The following IMPG1 variants were observed in gnomAD, a reference collection of about 807,000 sequenced individuals.
IMPG1 encodes the protein interphotoreceptor matrix proteoglycan of 150 kDa.
In IMPG1, 85 loss-of-function variants were observed where a neutral mutation model predicts 92.0. The ratio of observed to expected loss-of-function variants is 0.92; its 90% confidence interval spans 0.78 to 1.11. The LOEUF (loss-of-function observed/expected upper bound fraction) is 1.11. Ranked by LOEUF, IMPG1 falls within the 50% of genes least tolerant of loss-of-function variation. IMPG1 has a pLI of 0.00. For missense variants in IMPG1, 1,022 were observed against 956.0 expected (o/e 1.07, Z -0.91); for synonymous variants, 367 against 334.1 (o/e 1.10, Z -1.08).
At position 75,921,789 on chromosome 6, in the gene IMPG1, C is replaced by A; in HGVS notation, c.*300G>T. ...GCAAATGATCTGTGAGTAAAATTTT[C>A]AGGGAAGGTGGAAGCAAACCTGGCT... is the stretch of plus-strand genomic sequence containing the variant. On this transcript the variant is annotated 3_prime_UTR_variant, in exon 17 of 17. Transcript: ENST00000369950. 1 of 229,848 alleles carries A rather than the reference C, an allele frequency of 4.4e-6. No individual in the cohort carries two copies. The highest frequency in any genetic ancestry group is 2.3e-5 in the African/African-American group (1 of 43,544). The allele number at this position is 229,848 out of a possible 1,614,324, so 14.2% of individuals were successfully genotyped here.
chr6:76,064,511 G>A (rs1784273867), intron 1 of IMPG1, among the ~76,000 whole-genome samples: 1 of 151,964 alleles, frequency 6.6e-6, no homozygotes, highest in Non-Finnish European at 1.5e-5. Context: ...CCAAGCCATG[G>A]AGCTGAGGTA....
chr6:76,035,301 A>C (rs983111737), intron 2 of IMPG1, among the ~76,000 whole-genome samples: 5 of 151,950 alleles, frequency 3.3e-5, no homozygotes, highest in Non-Finnish European at 7.4e-5. Context: ...TCAGGAGTTC[A>C]AGACCAGCCT....
chr6:76,058,877 A>G (rs1198327499), intron 1 of IMPG1, among the ~76,000 whole-genome samples: 1 of 152,222 alleles, frequency 6.6e-6, no homozygotes, highest in Non-Finnish European at 1.5e-5. Flanking sequence ...AAGTTTTCCT[A>G]GAGTGAGATT....
Position 76,016,294 on chromosome 6 carries a change from T to C in IMPG1, c.807+2424A>G, listed in dbSNP as rs183435092. The stretch of plus-strand genomic sequence containing the variant: ...AAATCCCAATATATTTGCATTATTC[T>C]ACATCAGATTGTTGTAAGTGTTTAG... On this transcript the variant is annotated intron_variant, in intron 7 of 16. Transcript: ENST00000369950. Among the ~76,000 whole-genome samples, 37 of 152,354 alleles carry C rather than the reference T, an allele frequency of 2.4e-4. 1 individual carries two copies. Among genetic ancestry groups the C allele is most frequent in the Admixed American group, 1.6e-3 (24 of 15,308 alleles).
rs3798580 is a variant in IMPG1 at position 76,031,342 on chromosome 6, T to G, written c.497+2973A>C. 5.3e-5 allele frequency among the ~76,000 whole-genome samples: 8 copies of G among 152,316 alleles called. No homozygotes were observed. The East Asian group carries it at 1.5e-3, about 29-fold the overall frequency. ...GGCTAGGTGTTCTGTTGTTTTACAG[T>G]ACAGTTATCTAGAATTAGTCATAGC... On this transcript the variant is annotated intron_variant, in intron 4 of 16. Transcript: ENST00000369950.
intron 4 of IMPG1, among the ~76,000 whole-genome samples, chr6:76,029,026 G>A (rs1035168704): frequency 6.6e-6 from 1 of 152,208 alleles, no homozygotes; most frequent in East Asian, 1.9e-4. Context: ...TTTATCAAGG[G>A]TTTGACTGAA....
intron 13 of IMPG1, 149 bp from the exon 14 acceptor site, chr6:75,947,682 C>G (rs1781951522): frequency 6.5e-6 from 4 of 617,624 alleles, no homozygotes; most frequent in Non-Finnish European, 1.1e-5. Flanking sequence ...AATGTGAGAC[C>G]AGAATGCCAC....
chr6:76,041,123 T>C (rs1783829871), intron 2 of IMPG1, among the ~76,000 whole-genome samples: 3 of 152,322 alleles, frequency 2.0e-5, no homozygotes, highest in African/African-American at 4.8e-5. Flanking sequence ...ATTTTAATAG[T>C]AGCTACCAAA....
chr6:76,019,153 A>G (rs1303758765), intron 6 of IMPG1, among the ~76,000 whole-genome samples: 2 of 152,188 alleles, frequency 1.3e-5, no homozygotes, highest in Non-Finnish European at 2.9e-5. Flanking sequence ...GCAGGTGGCT[A>G]AGAACGGAGG....
chr6:76,056,886 A>G (rs1389091276), intron 1 of IMPG1, among the ~76,000 whole-genome samples: 3 of 152,294 alleles, frequency 2.0e-5, no homozygotes, highest in Middle Eastern at 3.4e-3. Flanking sequence ...AAGACATAGA[A>G]TCAATGTAAA....
At chr6:76,027,907 A>T (rs2149485789) in intron 4 of IMPG1, among the ~76,000 whole-genome samples, 1 of 152,342 alleles carries the variant, frequency 6.6e-6, no homozygotes, top group East Asian at 1.9e-4. Flanking sequence ...TCAAAATCAA[A>T]CTTCAGTTTC....
intron 4 of IMPG1, among the ~76,000 whole-genome samples, chr6:76,026,014 G>T (rs1236339153): frequency 6.6e-6 from 1 of 152,186 alleles, no homozygotes; most frequent in Admixed American, 6.5e-5. Context: ...GCCTTGGGAA[G>T]TTTGTGCAGT....
intron 12 of IMPG1, among the ~76,000 whole-genome samples, chr6:75,974,393 T>TTCCTTCCTTCCTTCCTTCCTTGCTTCC (rs1313714060): frequency 4.6e-5 from 3 of 65,008 alleles, no homozygotes; most frequent in Non-Finnish European, 9.4e-5. Flanking sequence ...CTTTCTTTCT[T>TTCCTTCCTTCCTTCCTTCCTTGCTTCC]TTCTTTCTTT....
chr6:76,017,220 CTTA>C (rs1026162958), intron 7 of IMPG1, among the ~76,000 whole-genome samples: 3 of 149,718 alleles, frequency 2.0e-5, no homozygotes, highest in Non-Finnish European at 4.4e-5. Context: ...AGGCAGAGAT[CTTA>C]TTATGGTATA....
intron 1 of IMPG1, among the ~76,000 whole-genome samples, chr6:76,064,329 A>G (rs1346084492): frequency 2.0e-5 from 3 of 149,514 alleles, no homozygotes; most frequent in Non-Finnish European, 3.0e-5. Flanking sequence ...TCTGCACCAC[A>G]GACATTTTAG....
At chr6:76,022,918 C>T (rs1783458578) in intron 5 of IMPG1, among the ~76,000 whole-genome samples, 2 of 152,158 alleles carry the variant, frequency 1.3e-5, no homozygotes, top group Admixed American at 1.3e-4. Context: ...TCCATTTCAA[C>T]CTTAATTAGG....
chr6:75,947,582 C>T (rs1445231821), intron 13 of IMPG1, 49 bp from the exon 14 acceptor site: 3 of 1,292,672 alleles, frequency 2.3e-6, no homozygotes, highest in Admixed American at 1.9e-5. Flanking sequence ...AAGTGCTCAG[C>T]TGCTGCTAAT....
At chr6:76,003,186 G>C (rs980894177) in intron 11 of IMPG1, among the ~76,000 whole-genome samples, 190 bp from the exon 12 acceptor site, 2 of 152,092 alleles carry the variant, frequency 1.3e-5, no homozygotes, top group Non-Finnish European at 2.9e-5. Flanking sequence ...TTGATACAGT[G>C]GTAAAATAAG....
intron 7 of IMPG1, among the ~76,000 whole-genome samples, chr6:76,017,846 G>A (rs777155664): frequency 1.4e-4 from 22 of 152,238 alleles, no homozygotes; most frequent in African/African-American, 5.1e-4. Flanking sequence ...TCTGCCCCCC[G>A]GGTTCAAGCG....
Sources: gnomAD v4.1 joint callset for allele counts (sites outside exome capture counted in the v4.1 genomes callset) on GRCh38, gnomAD v4.1.1 for gene constraint, MANE v1.5 for transcripts, NCBI Gene and HGNC (gene_info 2026-07-23, HGNC 2026-07-21) for gene names.